AKT2: variants seen among roughly 807,000 people sequenced by gnomAD.
AKT2 encodes RAC-beta serine/threonine-protein kinase.
Under a neutral mutation model 58.6 loss-of-function variants are expected in AKT2, and 16 were observed. That is an observed-to-expected ratio of 0.27 (90% CI 0.18 to 0.41). AKT2 has a LOEUF of 0.41. AKT2 is among the 10% of genes least tolerant of loss of function. The pLI is 1.00. For missense variants in AKT2, 438 were observed against 661.0 expected (o/e 0.66, Z 3.70); for synonymous variants, 253 against 254.0 (o/e 1.00, Z 0.04).
At position 40,235,849 on chromosome 19, in the gene AKT2, C is replaced by A. The variant is rs367678347; in HGVS notation, c.1175+41G>T. 4.4e-4 allele frequency: 690 copies of A among 1,573,118 alleles called. 2 individuals are homozygous for A. The African/African-American group carries it at 8.1e-3, about 18-fold the overall frequency. ...CTCCAGGCCGCAGGGACAGTGGCAG[C>A]AGCTGGCGCTGGGCTGGGTGGGGCC... On this transcript the variant is annotated intron_variant, in intron 11 of 13. Coordinates refer to ENST00000392038, the MANE Select transcript of AKT2 (RefSeq NM_001626.6). The surrounding 1 kb of genome is among the most constrained non-coding windows in gnomAD (Gnocchi z 6.3).
chr19:40,253,976 T>C (rs1292050697), intron 4 of AKT2, among the ~76,000 whole-genome samples: 1 of 151,006 alleles, frequency 6.6e-6, no homozygotes, highest in East Asian at 1.9e-4. Flanking sequence ...TGCTACCTTT[T>C]GTATTTAAAA....
chr19:40,271,021 GACAAACAAACAA>G (rs144804672), intron 1 of AKT2, among the ~76,000 whole-genome samples: 9 of 147,810 alleles, frequency 6.1e-5, no homozygotes, highest in South Asian at 4.3e-4. Flanking sequence ...TCAAAAAACA[GACAAACAAACAA>G]ACAAACAAAC....
At chr19:40,240,316 G>A (rs761219653) in intron 6 of AKT2, 2 of 752,402 alleles carry the variant, frequency 2.7e-6, no homozygotes, top group Non-Finnish European at 2.5e-6. Context: ...AAAGCCACAG[G>A]TGAAAAGTCA....
intron 9 of AKT2, 29 bp from the exon 10 acceptor site, chr19:40,236,414 G>C: frequency 6.2e-7 from 1 of 1,613,608 alleles, no homozygotes; most frequent in Non-Finnish European, 8.5e-7. Flanking sequence ...GATCTCAGGT[G>C]CATGCTCCCA....
chr19:40,236,922 A>G (rs2145171696), intron 9 of AKT2: 1 of 181,910 alleles, frequency 5.5e-6, no homozygotes, highest in Admixed American at 5.4e-5. Flanking sequence ...AGTCCCAGCT[A>G]CTTGCGAGGC....
chr19:40,263,098 T>A (rs1976083066), intron 2 of AKT2, among the ~76,000 whole-genome samples: 1 of 152,194 alleles, frequency 6.6e-6, no homozygotes, highest in Non-Finnish European at 1.5e-5. Flanking sequence ...GTAACATGAA[T>A]GCGGACACTG....
chr19:40,262,818 G>GT (rs1406080487), intron 2 of AKT2, among the ~76,000 whole-genome samples: 4 of 152,232 alleles, frequency 2.6e-5, no homozygotes, highest in Non-Finnish European at 4.4e-5. Flanking sequence ...CTGGCACACA[G>GT]TAAGTGCTCA....
chr19:40,255,032 C>A, intron 4 of AKT2, 126 bp downstream of exon 4: 1 of 749,942 alleles, frequency 1.3e-6, no homozygotes, highest in Admixed American at 2.0e-5. Flanking sequence ...GAGAGACCCC[C>A]CAACCAGAAG....
intron 4 of AKT2, among the ~76,000 whole-genome samples, chr19:40,247,486 C>A (rs894614675): frequency 6.6e-6 from 1 of 152,188 alleles, no homozygotes; most frequent in South Asian, 2.1e-4. Context: ...TAGCACCACC[C>A]GCCTGTCCCT....
rs779811637 is a variant in AKT2 at position 40,257,009 on chromosome 19, C to T, written c.92G>A (p.Ser31Asn). Residue 31 changes from serine to asparagine, a missense_variant, in exon 3 of 14, where the codon AGC becomes AAC. Physicochemically the swap from Ser to Asn is conservative, Grantham distance 46. Transcript: ENST00000392038. ...CTTGTACCCAATGAAGGAGCCGTCGCTCTTCAGCAGGAAGTACCGTGGCCT... is the reference window on the plus strand; with the variant it reads ...CTTGTACCCAATGAAGGAGCCGTCGTTCTTCAGCAGGAAGTACCGTGGCCT... ...TWRPRYFLLK[S>N]DGSFIGYKER... 2.5e-6 allele frequency: 4 copies of T among 1,614,214 alleles called. No homozygotes were observed. The South Asian group carries it at 4.4e-5, about 18-fold the overall frequency.
chr19:40,259,603 C>T (rs1334422136), intron 2 of AKT2, among the ~76,000 whole-genome samples: 3 of 152,092 alleles, frequency 2.0e-5, no homozygotes, highest in African/African-American at 7.2e-5. Flanking sequence ...AATTAAAAAC[C>T]TTTGTGCATG....
Position 40,238,476 on chromosome 19 carries a change from G to A in AKT2, c.709-385C>T, listed in dbSNP as rs1240129294. Among the ~76,000 whole-genome samples the A allele has an allele frequency of 3.3e-5, 5 of 152,226 alleles. No individual in the cohort carries two copies. The East Asian group carries it at 9.6e-4, about 29-fold the overall frequency. ...AACCACTGCACAGAGAAGGCGCGAG[G>A]CAAGGAGTGGGTGACAAAAGTGAGG... On this transcript the variant is annotated intron_variant, in intron 8 of 13. Coordinates refer to ENST00000392038, the MANE Select transcript of AKT2 (RefSeq NM_001626.6). The surrounding 1 kb of genome is among the most constrained non-coding windows in gnomAD (Gnocchi z 5.1).
At chr19:40,257,160 C>G (rs947852348) in intron 2 of AKT2, 106 bp from the exon 3 acceptor site, 3 of 1,456,338 alleles carry the variant, frequency 2.1e-6, no homozygotes, top group African/African-American at 2.8e-5. Flanking sequence ...AGGGGTACCA[C>G]GGGGCGGGGA....
chr19:40,257,025 A>T lies in AKT2; in HGVS notation c.76T>A (p.Tyr26Asn). 4.3e-6 allele frequency: 7 copies of T among 1,614,198 alleles called. No individual in the cohort carries two copies. The highest frequency in any genetic ancestry group is 5.9e-6 in the Non-Finnish European group (7 of 1,180,012). ...GEYIKTWRPR[Y>N]FLLKSDGSFI... is the part of the protein sequence containing the mutation. Reference sequence around the variant, plus strand: ...GAGCCGTCGCTCTTCAGCAGGAAGTACCGTGGCCTCCAGGTCTTGATGTAT... The same window carrying T: ...GAGCCGTCGCTCTTCAGCAGGAAGTTCCGTGGCCTCCAGGTCTTGATGTAT... The change falls in exon 3 of 14, where the codon TAC (tyrosine) becomes AAC (asparagine). Residue 26 changes from tyrosine (Y) to asparagine (N), a missense_variant. Tyr to Asn is a moderately radical substitution (Grantham distance 143). This residue lies in a region of AKT2 where 244 missense variants were observed against 347.1 expected (regional missense o/e 0.70). Coordinates refer to ENST00000392038, the MANE Select transcript of AKT2 (RefSeq NM_001626.6).
rs138058201 is a variant in AKT2 at position 40,233,829 on chromosome 19, C to A, written c.*43G>T. 3 of 1,595,666 alleles carry A rather than the reference C, an allele frequency of 1.9e-6. No homozygotes were observed. The Admixed American group carries it at 5.0e-5, about 27-fold the overall frequency. ...AAGTTAGGGGGAAAAAACCACCCAG[C>A]GGTGATGGCAGCGAGCGTGCGTCCT... On this transcript the variant is annotated 3_prime_UTR_variant, in exon 14 of 14. Coordinates refer to ENST00000392038, the MANE Select transcript of AKT2 (RefSeq NM_001626.6). The surrounding 1 kb of genome is among the most constrained non-coding windows in gnomAD (Gnocchi z 4.3).
chr19:40,274,970 T>A (rs2077284591), intron 1 of AKT2: 3 of 421,178 alleles, frequency 7.1e-6, no homozygotes, highest in Non-Finnish European at 9.7e-6. Context: ...CAGCCCTTCC[T>A]CTCCAGGAGC....
At chr19:40,246,815 G>A (rs1371902536) in intron 4 of AKT2, among the ~76,000 whole-genome samples, 1 of 152,212 alleles carries the variant, frequency 6.6e-6, no homozygotes, top group East Asian at 1.9e-4. Context: ...ACCCCAGCTG[G>A]GGCTCCAAGA....
intron 7 of AKT2, chr19:40,239,529 T>C (rs556084970): frequency 8.0e-5 from 26 of 324,714 alleles, no homozygotes; most frequent in South Asian, 6.6e-4. Flanking sequence ...TGTGGCTTAA[T>C]AGGATACCTG....
In AKT2 at chr19:40,237,868, A is replaced by G. The variant is rs1974128115; in HGVS notation, c.831+101T>C. 1.9e-6 allele frequency: 3 copies of G among 1,538,746 alleles called. No homozygotes were observed. Among genetic ancestry groups the G allele is most frequent in the Admixed American group, 1.8e-5 (1 of 56,214 alleles). On this transcript the variant is annotated intron_variant, in intron 9 of 13. Transcript: ENST00000392038. The surrounding 1 kb of genome is among the most constrained non-coding windows in gnomAD (Gnocchi z 4.5). Reference sequence around the variant, plus strand: ...GCCACCACCCTGGACCTTGGTGGGGAGCCTGGCGAATGAGGGCAGAAGCTC... The same window carrying G: ...GCCACCACCCTGGACCTTGGTGGGGGGCCTGGCGAATGAGGGCAGAAGCTC...
Sources: gnomAD v4.1 joint callset for allele counts (sites outside exome capture counted in the v4.1 genomes callset) on GRCh38, gnomAD v4.1.1 for gene constraint, gnomAD v4.1.1 regional missense constraint, Gnocchi (gnomAD v3.1) non-coding constraint, MANE v1.5 for transcripts, NCBI Gene and HGNC (gene_info 2026-07-23, HGNC 2026-07-21) for gene names.